The following PRKCD variants were observed in gnomAD, a reference collection of about 807,000 sequenced individuals.
PRKCD encodes the protein protein kinase C delta, also known as protein kinase C delta type.
PRKCD carries 20 observed loss-of-function variants against 82.2 expected under a neutral mutation model. The observed-to-expected ratio is 0.24, with a 90% CI of 0.17 to 0.35. The LOEUF (loss-of-function observed/expected upper bound fraction) is 0.35, where lower values mean the gene tolerates loss of function less well. Ranked by LOEUF, PRKCD falls within the 10% of genes least tolerant of loss-of-function variation. The probability of loss-of-function intolerance (pLI) is 1.00; values close to 1 mark genes in which losing one functional copy is unlikely to be tolerated. For missense variants in PRKCD, 607 were observed against 899.0 expected (o/e 0.68, Z 4.15); for synonymous variants, 317 against 337.0 (o/e 0.94, Z 0.65).
At chr3:53,165,607 C>T (rs1338816479) in intron 2 of PRKCD, among the ~76,000 whole-genome samples, 1 of 152,210 alleles carries the variant, frequency 6.6e-6, no homozygotes, top group Non-Finnish European at 1.5e-5. Flanking sequence ...CTCATCATCA[C>T]ACAAGGACAC....
intron 18 of PRKCD, among the ~76,000 whole-genome samples, chr3:53,191,265 G>A (rs1003576212): frequency 4.6e-5 from 7 of 152,174 alleles, no homozygotes; most frequent in Middle Eastern, 3.4e-3. Context: ...AAAATTAGCC[G>A]GGTACGGTGG....
chr3:53,188,866 G>C lies in PRKCD; in HGVS notation c.1554+8G>C, dbSNP rs141412493. The C allele has an allele frequency of 4.3e-6, 7 of 1,613,766 alleles. No homozygotes were observed. The highest frequency in any genetic ancestry group is 3.3e-5 in the Admixed American group (2 of 60,008). ...GACTATATCGCCCCTGAGGTGAGCC[G>C]ATACCCTTCCAGCCCCCCGCTCAGT... is the stretch of plus-strand genomic sequence containing the variant. On this transcript the variant is annotated splice_region_variant and intron_variant, in intron 16 of 18. Transcript: ENST00000330452.
chr3:53,180,817 G>A (rs1045179627), intron 4 of PRKCD, among the ~76,000 whole-genome samples: 1 of 152,144 alleles, frequency 6.6e-6, no homozygotes, highest in African/African-American at 2.4e-5. Flanking sequence ...GTGTGTGCAC[G>A]AGGATGAGTG....
At position 53,181,120 on chromosome 3, in the gene PRKCD, A is replaced by G. The variant is rs1703422877; in HGVS notation, c.316-87A>G. 3 of 1,444,850 alleles carry G rather than the reference A, an allele frequency of 2.1e-6. No homozygotes were observed. In the Admixed American group the frequency reaches 5.9e-5, roughly 29 times the overall value. 89.5% of individuals were successfully genotyped at this position (1,444,850 alleles called of 1,614,324 possible). A position where few individuals can be genotyped will look rare whatever the true frequency, so the allele number is the denominator to read the frequency against. ...TGGGGGGCTGCCTTGGCCTTGGGGG[A>G]CCAGCCATGGGGGTGGGTTCTGAGT... On this transcript the variant is annotated intron_variant, in intron 4 of 18. Coordinates refer to ENST00000330452, the MANE Select transcript of PRKCD (RefSeq NM_006254.4).
intron 9 of PRKCD, among the ~76,000 whole-genome samples, chr3:53,184,369 A>G (rs1189103904): frequency 2.1e-5 from 3 of 141,206 alleles, no homozygotes; most frequent in Non-Finnish European, 1.5e-5. Context: ...AACAACAACA[A>G]AAATCATGAA....
At chr3:53,166,570 T>G (rs924518912) in intron 2 of PRKCD, among the ~76,000 whole-genome samples, 1 of 152,212 alleles carries the variant, frequency 6.6e-6, no homozygotes, top group African/African-American at 2.4e-5. Context: ...CAGCCACCCA[T>G]GGCACACTCA....
rs148386932 is a variant in PRKCD, at chr3:53,188,667, T to C, written c.1416-53T>C. ...GAAAATTAGGACATGGGGGGCAGGG[T>C]TGGAAGGAGAAGAAATGTCCCCTGC... is the stretch of plus-strand genomic sequence containing the variant. On this transcript the variant is annotated intron_variant, in intron 15 of 18. Coordinates refer to ENST00000330452, the MANE Select transcript of PRKCD (RefSeq NM_006254.4). 520 of 1,605,502 alleles carry C rather than the reference T, an allele frequency of 3.2e-4. 4 individuals are homozygous for C. The African/African-American group carries it at 6.3e-3, about 19-fold the overall frequency.
intron 1 of PRKCD, 83 bp downstream of exon 1, chr3:53,161,511 C>G (rs1702658040): frequency 6.6e-6 from 1 of 151,950 alleles, no homozygotes; most frequent in Admixed American, 6.5e-5. Flanking sequence ...CGCCCCAGTT[C>G]CCGTTTCCGA....
chr3:53,192,046 C>G (rs1703941620), intron 18 of PRKCD, 62 bp from the exon 19 acceptor site: 2 of 1,577,542 alleles, frequency 1.3e-6, no homozygotes, highest in Non-Finnish European at 1.7e-6. Context: ...GGACTCCAGC[C>G]TGGGGTGTCT....
At chr3:53,183,726 G>C (rs1703559179) in intron 9 of PRKCD, 145 bp downstream of exon 9, 1 of 1,221,714 alleles carries the variant, frequency 8.2e-7, no homozygotes, top group Middle Eastern at 2.9e-4. Flanking sequence ...GGCCTTGGTG[G>C]ACCCTCCCCA....
chr3:53,165,521 G>A (rs1702804372), intron 2 of PRKCD, among the ~76,000 whole-genome samples: 1 of 152,266 alleles, frequency 6.6e-6, no homozygotes, highest in African/African-American at 2.4e-5. Context: ...GTCAGTTAGA[G>A]AGGGTGGCTC....
chr3:53,192,319 C>T lies in PRKCD; in HGVS notation c.*53C>T, dbSNP rs928348630. ...GCCCTCCACCCACACCTGCCCGCTC[C>T]CCACGATAAGCACCAGTGGGACTGT... On this transcript the variant is annotated 3_prime_UTR_variant, in exon 19 of 19. Transcript: ENST00000330452. 37 of 1,592,662 alleles carry T rather than the reference C, an allele frequency of 2.3e-5. No homozygotes were observed. The highest frequency in any genetic ancestry group is 3.3e-5 in the Admixed American group (2 of 59,742).
chr3:53,181,174 C>A, intron 4 of PRKCD, 33 bp from the exon 5 acceptor site: 1 of 1,609,024 alleles, frequency 6.2e-7, no homozygotes, highest in Non-Finnish European at 8.5e-7. Context: ...CCCTCACTGA[C>A]CTTGTTCTCC....
chr3:53,163,490 C>A (rs1180510396), intron 1 of PRKCD, among the ~76,000 whole-genome samples: 3 of 151,916 alleles, frequency 2.0e-5, no homozygotes, highest in African/African-American at 7.3e-5. Context: ...GGGCTCTGTA[C>A]CCAAGAATTA....
chr3:53,180,124 G>A lies in PRKCD; in HGVS notation c.315+348G>A, dbSNP rs374039305. Among the ~76,000 whole-genome samples the A allele has an allele frequency of 4.7e-4, 72 of 152,296 alleles. 1 individual carries two copies. The South Asian group carries it at 0.014, about 29-fold the overall frequency. On this transcript the variant is annotated intron_variant, in intron 4 of 18. Transcript: ENST00000330452. Reference sequence around the variant, plus strand: ...CTGACACATAGCAGGTGCTAAAGACGGCCAACTTCCTTATTGTGACTACTT... The same window carrying A: ...CTGACACATAGCAGGTGCTAAAGACAGCCAACTTCCTTATTGTGACTACTT...
In PRKCD at chr3:53,179,656, G is replaced by A; in HGVS notation, c.195G>A (p.Glu65=). 1.2e-6 allele frequency: 2 copies of A among 1,613,964 alleles called. No individual in the cohort carries two copies. Among genetic ancestry groups the A allele is most frequent in the African/African-American group, 1.3e-5 (1 of 75,058 alleles). The change falls in exon 4 of 19, where the codon GAG becomes GAA. Residue 65 remains glutamate, a synonymous_variant. Transcript: ENST00000330452. The part of the protein sequence containing the change: ...WKSTFDAHIY[E]GRVIQIVLMR... Reference sequence around the variant, plus strand: ...CGACGTTCGATGCCCACATCTATGAGGGGCGCGTCATCCAGATTGTGCTAA... The same window carrying A: ...CGACGTTCGATGCCCACATCTATGAAGGGCGCGTCATCCAGATTGTGCTAA...
intron 2 of PRKCD, among the ~76,000 whole-genome samples, chr3:53,174,847 T>G (rs529769791): frequency 9.2e-4 from 140 of 152,352 alleles, no homozygotes; most frequent in African/African-American, 3.2e-3. Context: ...AGCCTGGCAG[T>G]GCAGGTTTAG....
intron 1 of PRKCD, among the ~76,000 whole-genome samples, chr3:53,164,454 G>A (rs560639983): frequency 1.1e-4 from 17 of 152,140 alleles, no homozygotes; most frequent in African/African-American, 3.4e-4. Flanking sequence ...GTGGTGGCGC[G>A]CACCTGTAAT....
chr3:53,187,262 G>C (rs1703739363), intron 14 of PRKCD, 78 bp from the exon 15 acceptor site: 1 of 1,480,020 alleles, frequency 6.8e-7, no homozygotes, highest in Non-Finnish European at 9.5e-7. Context: ...GCTCCTGGAA[G>C]TGGGGTTGAG....
Sources: allele counts gnomAD v4.1 joint callset (sites outside exome capture counted in the v4.1 genomes callset), GRCh38; gene constraint gnomAD v4.1.1; transcripts MANE v1.5; gene names NCBI Gene and HGNC (gene_info 2026-07-23, HGNC 2026-07-21).